Variants in GPR158 observed in about 807,000 individuals in gnomAD.
The protein encoded by GPR158 is G protein-coupled receptor 158.
In GPR158, 30 loss-of-function variants were observed where a neutral mutation model predicts 78.2. That is an observed-to-expected ratio of 0.38 (90% CI 0.29 to 0.52). GPR158 has a LOEUF of 0.52. GPR158 is among the 20% of genes least tolerant of loss of function. The pLI is 0.83. For synonymous variants in GPR158, 581 were observed against 591.1 expected, an observed-to-expected ratio of 0.98 and a Z score of 0.25; for missense variants, 1,463 against 1,523.5, an observed-to-expected ratio of 0.96 and a Z score of 0.66.
chr10:25,227,552 T>C (rs1853390805), intron 2 of GPR158, among the ~76,000 whole-genome samples: 1 of 152,204 alleles, frequency 6.6e-6, no homozygotes, highest in Admixed American at 6.5e-5. Flanking sequence ...ACAAGTTTGC[T>C]AAACTATTAT....
intron 7 of GPR158, among the ~76,000 whole-genome samples, chr10:25,577,425 G>A (rs1037511223): frequency 1.1e-4 from 15 of 142,736 alleles, no homozygotes; most frequent in African/African-American, 2.7e-4. Context: ...TCAAGAGTTC[G>A]TTCAGAAAAA....
chr10:25,458,226 C>G (rs561127481), intron 4 of GPR158, among the ~76,000 whole-genome samples: 74 of 152,038 alleles, frequency 4.9e-4, no homozygotes, highest in Non-Finnish European at 8.8e-4. Flanking sequence ...AGAAAGAATA[C>G]CTACTTAAGG....
At chr10:25,392,659 T>C (rs1401891922) in intron 2 of GPR158, among the ~76,000 whole-genome samples, 2 of 152,126 alleles carry the variant, frequency 1.3e-5, no homozygotes, top group African/African-American at 4.8e-5. Flanking sequence ...ATCACTATAT[T>C]TACAGTTTTT....
chr10:25,502,307 CAG>C lies in GPR158; in HGVS notation c.1404+35589_1404+35590del, dbSNP rs1478220565. Among the ~76,000 whole-genome samples the C allele has an allele frequency of 3.3e-5, 5 of 152,280 alleles. No individual in the cohort carries two copies. In the East Asian group the frequency reaches 5.8e-4, roughly 18 times the overall value. ...CAACCACCCTCCCTAGGACCCGTGA[CAG>C]GGGAGAAAACTTTCATGTACTGAGC... On this transcript the variant is annotated intron_variant, in intron 5 of 10. Transcript: ENST00000376351.
chr10:25,288,157 T>TTA (rs1854379964), intron 2 of GPR158, among the ~76,000 whole-genome samples: 1 of 152,220 alleles, frequency 6.6e-6, no homozygotes, highest in South Asian at 2.1e-4. Flanking sequence ...AACTTTTATG[T>TTA]TACTAATAAA....
intron 2 of GPR158, among the ~76,000 whole-genome samples, chr10:25,343,775 C>A (rs1238200263): frequency 6.6e-6 from 1 of 151,986 alleles, no homozygotes; most frequent in Middle Eastern, 3.2e-3. Flanking sequence ...GCCTATATAA[C>A]TCCTAGCAGG....
At chr10:25,467,507 T>C (rs915634089) in intron 5 of GPR158, among the ~76,000 whole-genome samples, 1 of 152,152 alleles carries the variant, frequency 6.6e-6, no homozygotes, top group Admixed American at 6.5e-5. Flanking sequence ...GGTAAAAATA[T>C]TATGATTTTC....
At chr10:25,242,993 A>G (rs16925499) in intron 2 of GPR158, among the ~76,000 whole-genome samples, 2,785 of 152,314 alleles carry the variant, frequency 0.018, 68 homozygotes, top group African/African-American at 0.054. Flanking sequence ...GTAACATGGC[A>G]GGTCCCAGGC....
At chr10:25,514,035 ATTTGTTCT>A (rs1468141325) in intron 5 of GPR158, among the ~76,000 whole-genome samples, 1 of 152,116 alleles carries the variant, frequency 6.6e-6, no homozygotes, top group Non-Finnish European at 1.5e-5. Context: ...TGTTAAGTCC[ATTTGTTCT>A]AAGGTACGTT....
At chr10:25,398,535 T>A (rs1244813994) in intron 3 of GPR158, among the ~76,000 whole-genome samples, 1 of 152,228 alleles carries the variant, frequency 6.6e-6, no homozygotes, top group Admixed American at 6.5e-5. Flanking sequence ...CATCTAAATA[T>A]TGTAGAATCA....
intron 5 of GPR158, among the ~76,000 whole-genome samples, chr10:25,473,660 A>C (rs1028201040): frequency 5.9e-5 from 9 of 152,068 alleles, no homozygotes; most frequent in Admixed American, 5.9e-4. Flanking sequence ...CTGGGATTCA[A>C]CTTCTTTCTG....
chr10:25,582,262 G>A (rs761360481), intron 7 of GPR158, among the ~76,000 whole-genome samples: 2 of 152,140 alleles, frequency 1.3e-5, no homozygotes, highest in African/African-American at 4.8e-5. Flanking sequence ...GCTCTGAGAG[G>A]ACTTCCATCT....
chr10:25,543,441 C>G (rs1202297570), intron 5 of GPR158, among the ~76,000 whole-genome samples: 1 of 152,052 alleles, frequency 6.6e-6, no homozygotes, highest in African/African-American at 2.4e-5. Context: ...TTTAAAAACT[C>G]GATGCCTTGA....
At chr10:25,327,386 A>AC (rs1347498452) in intron 2 of GPR158, among the ~76,000 whole-genome samples, 2 of 152,138 alleles carry the variant, frequency 1.3e-5, no homozygotes, top group Admixed American at 1.3e-4. Context: ...CTAACATAAT[A>AC]CCTCACAAAT....
intron 8 of GPR158, among the ~76,000 whole-genome samples, chr10:25,589,505 T>A (rs1837313697): frequency 6.6e-6 from 1 of 152,240 alleles, no homozygotes; most frequent in South Asian, 2.1e-4. Flanking sequence ...TTAACTTATC[T>A]ATATTTTCAT....
At chr10:25,508,309 A>G (rs1377399175) in intron 5 of GPR158, among the ~76,000 whole-genome samples, 1 of 152,124 alleles carries the variant, frequency 6.6e-6, no homozygotes, top group Admixed American at 6.6e-5. Context: ...GGAGAGGGAG[A>G]GGGAAAGCTG....
At position 25,175,166 on chromosome 10, in the gene GPR158, G is replaced by A. The variant is rs1852504729; in HGVS notation, c.-255G>A. ...AACCCGCTCGGCTCCAGGCTGCGAGGTGCGTAATCCCCAGCCGGCCCCTCG... is the reference window on the plus strand; with the variant it reads ...AACCCGCTCGGCTCCAGGCTGCGAGATGCGTAATCCCCAGCCGGCCCCTCG... On this transcript the variant is annotated 5_prime_UTR_variant, in exon 1 of 11. The change creates a new upstream start codon in the 5' untranslated region. Transcript: ENST00000376351. The surrounding 1 kb of genome is among the most constrained non-coding windows in gnomAD (Gnocchi z 6.4). The A allele has an allele frequency of 2.4e-6, 1 of 421,706 alleles. No homozygotes were observed. Among genetic ancestry groups the A allele is most frequent in the Non-Finnish European group, 4.2e-6 (1 of 236,912 alleles). The allele number at this position is 421,706 out of a possible 1,614,324, so 26.1% of individuals were successfully genotyped here. A position where few individuals can be genotyped will look rare whatever the true frequency, so the allele number is the denominator to read the frequency against.
At chr10:25,419,456 A>T (rs1339353997) in intron 4 of GPR158, among the ~76,000 whole-genome samples, 2 of 152,184 alleles carry the variant, frequency 1.3e-5, no homozygotes, top group Admixed American at 1.3e-4. Flanking sequence ...TGCTGTGAAC[A>T]TTCATGTACA....
intron 2 of GPR158, among the ~76,000 whole-genome samples, chr10:25,335,345 G>A (rs1294349746): frequency 6.6e-6 from 1 of 151,982 alleles, no homozygotes; most frequent in Non-Finnish European, 1.5e-5. Flanking sequence ...GAAATATCTA[G>A]GCTTATGAAG....
Sources: gnomAD v4.1 joint callset for allele counts (sites outside exome capture counted in the v4.1 genomes callset) on GRCh38, gnomAD v4.1.1 for gene constraint, Gnocchi (gnomAD v3.1) non-coding constraint, MANE v1.5 for transcripts, NCBI Gene and HGNC (gene_info 2026-07-23, HGNC 2026-07-21) for gene names.